The following SLC44A5 variants were observed in gnomAD, a reference collection of about 807,000 sequenced individuals.
SLC44A5 encodes the protein choline transporter-like protein 5.
In SLC44A5, 57 loss-of-function variants were observed where a neutral mutation model predicts 101.8. That is an observed-to-expected ratio of 0.56 (90% CI 0.45 to 0.70). SLC44A5 has a LOEUF of 0.70. Ranked by LOEUF, SLC44A5 falls within the 30% of genes least tolerant of loss-of-function variation. The pLI is 0.00. For missense variants in SLC44A5, 737 were observed against 853.1 expected, an observed-to-expected ratio of 0.86 and a Z score of 1.70; for synonymous variants, 281 against 290.9, an observed-to-expected ratio of 0.97 and a Z score of 0.35.
rs537020599 is a variant in SLC44A5, at chr1:75,527,432, A to G, written c.13+14003T>C. 2.8e-4 allele frequency among the ~76,000 whole-genome samples: 42 copies of G among 152,276 alleles called. 2 individuals carry two copies. The South Asian group carries it at 8.3e-3, about 30-fold the overall frequency. On this transcript the variant is annotated intron_variant, in intron 2 of 23. Transcript: ENST00000370859. ...CACACCCAGACACACAGAAAGCCAA[A>G]AAAGCATTAAAATGGGCTACAATTT...
intron 2 of SLC44A5, among the ~76,000 whole-genome samples, chr1:75,510,209 T>C (rs554489119): frequency 1.5e-4 from 23 of 152,152 alleles, no homozygotes; most frequent in Middle Eastern, 3.4e-3. Flanking sequence ...AGCCAAACAA[T>C]ATCACTATAA....
At chr1:75,386,350 C>A (rs1222017973) in intron 3 of SLC44A5, among the ~76,000 whole-genome samples, 2 of 152,160 alleles carry the variant, frequency 1.3e-5, no homozygotes, top group Admixed American at 6.5e-5. Flanking sequence ...TGATAAGCAA[C>A]TTCAGCAAAG....
At chr1:75,340,159 A>ATTGCAG (rs1657765247) in intron 3 of SLC44A5, among the ~76,000 whole-genome samples, 1 of 152,190 alleles carries the variant, frequency 6.6e-6, no homozygotes, top group Admixed American at 6.5e-5. Context: ...AAACATTTTT[A>ATTGCAG]TTGCAGTTTT....
At chr1:75,679,834 C>T in the SLC44A5 span, among the ~76,000 whole-genome samples, 144 of 147,848 alleles carry the variant, frequency 9.7e-4, no homozygotes, top group Non-Finnish European at 1.2e-3. Context: ...GATAAAGAGT[C>T]AAGACCCATC....
intron 2 of SLC44A5, among the ~76,000 whole-genome samples, chr1:75,481,342 G>C (rs1372753589): frequency 6.6e-6 from 1 of 152,124 alleles, no homozygotes; most frequent in Non-Finnish European, 1.5e-5. Context: ...ACATAGGCAT[G>C]GGCAAGGACT....
At chr1:75,430,760 C>T (rs1290045652) in intron 2 of SLC44A5, among the ~76,000 whole-genome samples, 1 of 152,200 alleles carries the variant, frequency 6.6e-6, no homozygotes, top group African/African-American at 2.4e-5. Flanking sequence ...GGAAATCTCA[C>T]CCAGGTGGTT....
At chr1:75,395,300 C>T (rs1428290118) in intron 3 of SLC44A5, among the ~76,000 whole-genome samples, 1 of 152,094 alleles carries the variant, frequency 6.6e-6, no homozygotes, top group Non-Finnish European at 1.5e-5. Context: ...ATGATTCAGA[C>T]TTCTGATGGC....
chr1:75,281,651 C>CCT (rs1652594101), intron 5 of SLC44A5, among the ~76,000 whole-genome samples: 14 of 84,916 alleles, frequency 1.6e-4, no homozygotes, highest in Admixed American at 5.4e-4. Context: ...CCCCCCCCCC[C>CCT]GCTGCATTTA....
intron 2 of SLC44A5, among the ~76,000 whole-genome samples, chr1:75,460,067 T>C (rs1040082835): frequency 3.9e-5 from 6 of 152,186 alleles, no homozygotes; most frequent in Non-Finnish European, 7.3e-5. Flanking sequence ...TATATTAAAA[T>C]TAATGGCTAT....
At chr1:75,439,408 A>C (rs558455085) in intron 2 of SLC44A5, among the ~76,000 whole-genome samples, 211 of 152,250 alleles carry the variant, frequency 1.4e-3, no homozygotes, top group Non-Finnish European at 2.1e-3. Flanking sequence ...AATTAAAAAC[A>C]TTATTGTTGA....
intron 10 of SLC44A5, 51 bp downstream of exon 10, chr1:75,238,462 G>A: frequency 1.3e-6 from 2 of 1,484,246 alleles, no homozygotes; most frequent in Non-Finnish European, 1.8e-6. Context: ...TTAGTCTCGA[G>A]TGCAATAACA....
At chr1:75,331,095 GAGT>G (rs1657021599) in intron 4 of SLC44A5, among the ~76,000 whole-genome samples, 1 of 151,406 alleles carries the variant, frequency 6.6e-6, no homozygotes, top group South Asian at 2.1e-4. Context: ...TTTGAGTCTG[GAGT>G]GTTGTTCTTG....
chr1:75,204,158 A>G (rs1570343280), intron 23 of SLC44A5, among the ~76,000 whole-genome samples: 1 of 152,130 alleles, frequency 6.6e-6, no homozygotes, highest in South Asian at 2.1e-4. Context: ...CTAAATTACT[A>G]TATTTGCTTA....
chr1:75,343,402 T>C (rs550223162), intron 3 of SLC44A5, among the ~76,000 whole-genome samples: 4 of 152,178 alleles, frequency 2.6e-5, no homozygotes, highest in Non-Finnish European at 4.4e-5. Context: ...TAGGGGCAGA[T>C]TTCACATGGC....
the SLC44A5 span, among the ~76,000 whole-genome samples, chr1:75,670,366 GA>G: frequency 6.6e-6 from 1 of 151,908 alleles, no homozygotes; most frequent in Non-Finnish European, 1.5e-5. Flanking sequence ...CAAAAGTAAA[GA>G]AAGACTCTAA....
At chr1:75,682,230 T>G in the SLC44A5 span, among the ~76,000 whole-genome samples, 1 of 152,210 alleles carries the variant, frequency 6.6e-6, no homozygotes, top group Non-Finnish European at 1.5e-5. Flanking sequence ...CGAATGCCTT[T>G]CTTCACAGAA....
chr1:75,448,656 T>G (rs1557795016), intron 2 of SLC44A5, among the ~76,000 whole-genome samples: 1 of 152,166 alleles, frequency 6.6e-6, no homozygotes, highest in Non-Finnish European at 1.5e-5. Flanking sequence ...GCCACAGACC[T>G]TGTCTGAGAT....
At chr1:75,205,394 C>T (rs375236713) in intron 23 of SLC44A5, 3 of 152,168 alleles carry the variant, frequency 2.0e-5, no homozygotes, top group Non-Finnish European at 4.4e-5. Context: ...ATTCAATGCT[C>T]CTTTTGGGGT....
At chr1:75,718,258 T>C in the SLC44A5 span, among the ~76,000 whole-genome samples, 1 of 152,156 alleles carries the variant, frequency 6.6e-6, no homozygotes, top group Non-Finnish European at 1.5e-5. Context: ...ACATGCTAAA[T>C]GGGAGCCAGT....
Sources: gnomAD v4.1 joint callset for allele counts (sites outside exome capture counted in the v4.1 genomes callset) on GRCh38, gnomAD v4.1.1 for gene constraint, MANE v1.5 for transcripts, NCBI Gene and HGNC (gene_info 2026-07-23, HGNC 2026-07-21) for gene names.